SLAMF9: variants seen among roughly 807,000 people sequenced by gnomAD.
SLAMF9 encodes the protein SLAM family member 9.
SLAMF9 carries 25 observed loss-of-function variants against 30.4 expected under a neutral mutation model. The ratio of observed to expected loss-of-function variants is 0.82; its 90% CI spans 0.60 to 1.15. The LOEUF is 1.15. Among genes scored for constraint, SLAMF9 ranks in the 50% most tolerant of loss-of-function variants. The pLI, the probability that SLAMF9 is intolerant of heterozygous loss-of-function variation, is 0.00. For missense variants in SLAMF9, 344 were observed against 346.1 expected (o/e 0.99, Z 0.05); for synonymous variants, 129 against 127.2 (o/e 1.01, Z -0.09).
chr1:159,966,107 A>T, the SLAMF9 span, among the ~76,000 whole-genome samples: 3 of 152,100 alleles, frequency 2.0e-5, no homozygotes, highest in Non-Finnish European at 4.4e-5. Flanking sequence ...GTAATTCCCC[A>T]TTCCTTCACT....
the SLAMF9 span, among the ~76,000 whole-genome samples, chr1:159,967,179 T>C: frequency 6.6e-6 from 1 of 152,210 alleles, no homozygotes; most frequent in Non-Finnish European, 1.5e-5. Context: ...CTAGGGTACA[T>C]GTGTACAATG....
chr1:159,953,643 C>A lies in SLAMF9; in HGVS notation c.57G>T (p.Arg19Ser). 6.3e-7 allele frequency: 1 copy of A among 1,598,662 alleles called. No homozygotes were observed. Among genetic ancestry groups the A allele is most frequent in the East Asian group, 2.2e-5 (1 of 44,558 alleles). The change falls in exon 2 of 4, where the codon AGG (arginine) becomes AGT (serine). Residue 19 changes from arginine to serine, a missense_variant. Transcript: ENST00000368093. Reference sequence around the variant, plus strand: ...CGGATCCACACCATCTCCAGAGTCTCCTTTGGCTGCCTATGCAGGAAGAAA... The same window carrying A: ...CGGATCCACACCATCTCCAGAGTCTACTTTGGCTGCCTATGCAGGAAGAAA... Reference protein sequence around the residue: ...LLLLLQEGSQRRLWRWCGSEE... With the variant: ...LLLLLQEGSQSRLWRWCGSEE...
the SLAMF9 span, among the ~76,000 whole-genome samples, chr1:159,966,415 T>C: frequency 6.6e-6 from 1 of 152,216 alleles, no homozygotes; most frequent in Non-Finnish European, 1.5e-5. Context: ...ATAATAAACA[T>C]GGGAGTTCAT....
chr1:159,968,320 T>C, the SLAMF9 span, among the ~76,000 whole-genome samples: 88 of 152,232 alleles, frequency 5.8e-4, 1 homozygote, highest in Admixed American at 5.8e-3. Context: ...CATCTCATTT[T>C]TGTAATTCTT....
At chr1:159,979,449 G>C in the SLAMF9 span, among the ~76,000 whole-genome samples, 1 of 152,310 alleles carries the variant, frequency 6.6e-6, no homozygotes, top group African/African-American at 2.4e-5. Context: ...AAATCTCCTT[G>C]GGTAAGCAGG....
chr1:159,952,737 G>A lies in SLAMF9; in HGVS notation c.392-203C>T, dbSNP rs542800008. ...GGCAACTGTCAAGGAAGACAGAGCT[G>A]CCTTTGGCATCTTCCACCTCCCCTT... On this transcript the variant is annotated intron_variant, in intron 2 of 3. Coordinates refer to ENST00000368093, the MANE Select transcript of SLAMF9 (RefSeq NM_033438.4). Among the ~76,000 whole-genome samples the A allele has an allele frequency of 3.9e-5, 6 of 152,322 alleles. No homozygotes were observed. In the South Asian group the frequency reaches 1.2e-3, roughly 32 times the overall value.
rs778262247 is a variant in SLAMF9, at chr1:159,952,221, A to G, written c.664+41T>C. The G allele has an allele frequency of 1.4e-5, 22 of 1,608,160 alleles. No individual in the cohort carries two copies. In the South Asian group the frequency reaches 2.0e-4, roughly 14 times the overall value. The stretch of plus-strand genomic sequence containing the variant: ...GAGGGAGATGGTGCCTCTAGGCACT[A>G]TCTTTCATGAGCTCAGGGGGTGTCT... On this transcript the variant is annotated intron_variant, in intron 3 of 3. Transcript: ENST00000368093.
chr1:159,955,411 CTAA>C (rs970184522), upstream of SLAMF9, among the ~76,000 whole-genome samples: 2 of 152,210 alleles, frequency 1.3e-5, no homozygotes, highest in African/African-American at 2.4e-5. Context: ...TAAGTTTCTT[CTAA>C]TAATCAATTT....
At chr1:159,964,718 G>A in the SLAMF9 span, among the ~76,000 whole-genome samples, 1 of 152,154 alleles carries the variant, frequency 6.6e-6, no homozygotes, top group African/African-American at 2.4e-5. Context: ...GTGTCTTGTT[G>A]GCAGGATTTT....
chr1:159,952,374 G>C lies in SLAMF9; in HGVS notation c.552C>G (p.Val184=). Reference sequence around the variant, plus strand: ...CCCCCGGCCTCCAGGATGTGCTGAGGACAGGGCCTTCATGGAATGTATAAG... The same window carrying C: ...CCCCCGGCCTCCAGGATGTGCTGAGCACAGGGCCTTCATGGAATGTATAAG... ...DSTYTFHEGP[V]LSTSWRPGDS... is the part of the protein sequence containing the mutation. The change falls in exon 3 of 4, where the codon GTC becomes GTG. Residue 184 remains valine, a synonymous_variant. Coordinates refer to ENST00000368093, the MANE Select transcript of SLAMF9 (RefSeq NM_033438.4). 1 of 1,614,136 alleles carries C rather than the reference G, an allele frequency of 6.2e-7. No individual in the cohort carries two copies. The highest frequency in any genetic ancestry group is 8.5e-7 in the Non-Finnish European group (1 of 1,180,006).
Position 159,953,411 on chromosome 1 carries a change from T to C in SLAMF9, c.289A>G (p.Ile97Val), listed in dbSNP as rs146654789. ...SFLDPSYSLH[I>V]SNLSWEDSGL... ...GAATCCTCCCAGCTCAGATTGCTGA[T>C]ATGCAGGGAATAGCTGGGGTCCAGG... The change falls in exon 2 of 4, where the codon ATC (isoleucine) becomes GTC (valine). Residue 97 changes from isoleucine (I) to valine (V), a missense_variant. By Grantham distance (29) the Ile-to-Val change is conservative (BLOSUM62 3). Transcript: ENST00000368093. The C allele has an allele frequency of 1.2e-6, 2 of 1,614,230 alleles. No individual in the cohort carries two copies. The highest frequency in any genetic ancestry group is 1.7e-6 in the Non-Finnish European group (2 of 1,180,034).
the SLAMF9 span, among the ~76,000 whole-genome samples, chr1:159,982,723 CAT>C: frequency 2.1e-4 from 32 of 152,182 alleles, no homozygotes; most frequent in African/African-American, 6.0e-4. Context: ...CATACACACA[CAT>C]GTGTGTAGGA....
chr1:159,964,533 C>A, the SLAMF9 span, among the ~76,000 whole-genome samples: 2 of 152,092 alleles, frequency 1.3e-5, no homozygotes, highest in African/African-American at 2.4e-5. Context: ...ATGGTGTGCT[C>A]TCGCTAAAAG....
chr1:159,983,962 C>T, the SLAMF9 span: 2 of 152,332 alleles, frequency 1.3e-5, no homozygotes, highest in Admixed American at 6.5e-5. Flanking sequence ...CAGTGCCTTT[C>T]CCTGCAGCAG....
At chr1:159,964,191 A>G in the SLAMF9 span, among the ~76,000 whole-genome samples, 2 of 152,196 alleles carry the variant, frequency 1.3e-5, no homozygotes, top group South Asian at 2.1e-4. Context: ...ACTCTAAGCT[A>G]AAGTTTGGGA....
At chr1:159,954,352 T>G, upstream of SLAMF9, 1 of 426,600 alleles carries the variant, frequency 2.3e-6, no homozygotes, top group Non-Finnish European at 4.2e-6. Flanking sequence ...TTTCAGATCC[T>G]GATTGTCATG....
Position 159,951,519 on chromosome 1 carries a change from C to A in SLAMF9, c.*142G>T. 1 of 719,434 alleles carries A rather than the reference C, an allele frequency of 1.4e-6. No individual in the cohort carries two copies. The highest frequency in any genetic ancestry group is 4.0e-4 in the Middle Eastern group (1 of 2,498). 44.6% of individuals were successfully genotyped at this position (719,434 alleles called of 1,614,324 possible). ...GTGGTCACTTAATTTGACTTTATTG[C>A]CAGCCAGTCTTCCCTCAGAAGTATG... is the stretch of plus-strand genomic sequence containing the variant. On this transcript the variant is annotated 3_prime_UTR_variant, in exon 4 of 4. Transcript: ENST00000368093.
In SLAMF9 at chr1:159,953,308, C is replaced by G. The variant is rs374371894; in HGVS notation, c.391+1G>C. 1 of 1,593,862 alleles carries G rather than the reference C, an allele frequency of 6.3e-7. No individual in the cohort carries two copies. Among genetic ancestry groups the G allele is most frequent in the Non-Finnish European group, 8.6e-7 (1 of 1,163,668 alleles). Reference sequence around the variant, plus strand: ...CTTTATGGTTCCCAGCCTAAACTCACGGTAGACACATATATTGTACTGCTG... The same window carrying G: ...CTTTATGGTTCCCAGCCTAAACTCAGGGTAGACACATATATTGTACTGCTG... On this transcript the variant is annotated splice_donor_variant, in intron 2 of 3. Transcript: ENST00000368093. LOFTEE classifies it high-confidence loss of function.
chr1:159,977,513 A>T, the SLAMF9 span, among the ~76,000 whole-genome samples: 1 of 152,228 alleles, frequency 6.6e-6, no homozygotes. Flanking sequence ...ATGTCCCTGC[A>T]GGGTTAGCTC....
Sources: gnomAD v4.1 joint callset for allele counts (sites outside exome capture counted in the v4.1 genomes callset) on GRCh38, gnomAD v4.1.1 for gene constraint, MANE v1.5 for transcripts, NCBI Gene and HGNC (gene_info 2026-07-23, HGNC 2026-07-21) for gene names.